The following MTARC2 variants were observed in gnomAD, a reference collection of about 807,000 sequenced individuals.
MTARC2 encodes the protein MOCO sulphurase C-terminal domain containing 2.
A neutral mutation model predicts 35.6 loss-of-function variants in MTARC2; 27 were observed. That is an observed-to-expected ratio of 0.76 (90% confidence interval 0.56 to 1.04). The LOEUF is 1.04. Among genes scored for constraint, MTARC2 ranks in the 50% least tolerant of loss-of-function variants. MTARC2 has a pLI of 0.00. For synonymous variants in MTARC2, 158 were observed against 167.1 expected, an observed-to-expected ratio of 0.95 and a Z score of 0.42; for missense variants, 412 against 432.5, an observed-to-expected ratio of 0.95 and a Z score of 0.42.
intron 1 of MTARC2, among the ~76,000 whole-genome samples, chr1:220,752,954 C>T (rs1025197367): frequency 6.6e-6 from 1 of 151,072 alleles, no homozygotes; most frequent in Non-Finnish European, 1.5e-5. Flanking sequence ...GTGGCTCACG[C>T]CTGTAATCCC....
At chr1:220,767,021 C>G (rs1671598393) in intron 4 of MTARC2, among the ~76,000 whole-genome samples, 1 of 151,342 alleles carries the variant, frequency 6.6e-6, no homozygotes, top group Non-Finnish European at 1.5e-5. Flanking sequence ...AAAAAATAAA[C>G]TGTTAAATGA....
At chr1:220,769,862 G>A (rs1217151779) in intron 4 of MTARC2, among the ~76,000 whole-genome samples, 1 of 137,728 alleles carries the variant, frequency 7.3e-6, no homozygotes, top group African/African-American at 2.8e-5. Flanking sequence ...TTTTTTTGGC[G>A]GTCAGATCAC....
intron 4 of MTARC2, chr1:220,770,696 A>C: frequency 2.3e-6 from 1 of 437,498 alleles, no homozygotes; most frequent in Non-Finnish European, 3.0e-6. Context: ...TTGGGAATTC[A>C]ATTGGTAGCT....
chr1:220,772,700 T>TTG lies in MTARC2; in HGVS notation c.751-7300_751-7299dup, dbSNP rs371722709. 6.1e-3 allele frequency among the ~76,000 whole-genome samples: 914 copies of TTG among 148,710 alleles called. 11 individuals carry two copies. The highest frequency in any genetic ancestry group is 0.019 in the African/African-American group (754 of 40,604). On this transcript the variant is annotated intron_variant, in intron 4 of 7. Coordinates refer to ENST00000366913, the MANE Select transcript of MTARC2 (RefSeq NM_017898.5). ...CTGGGCAGGGTGTGTGTGTGTGTGTTTGTGTGTGTGTGTGTGTGTTTGGGG... is the reference window on the plus strand; with the variant it reads ...CTGGGCAGGGTGTGTGTGTGTGTGTTTGTGTGTGTGTGTGTGTGTGTTTGGGG...
intron 6 of MTARC2, among the ~76,000 whole-genome samples, chr1:220,780,722 G>T (rs1558077327): frequency 6.6e-6 from 1 of 152,020 alleles, no homozygotes; most frequent in African/African-American, 2.4e-5. Flanking sequence ...GGGATTACAG[G>T]CATGAGCCAC....
At chr1:220,775,818 G>A (rs1671888557) in intron 4 of MTARC2, among the ~76,000 whole-genome samples, 1 of 151,806 alleles carries the variant, frequency 6.6e-6, no homozygotes, top group Non-Finnish European at 1.5e-5. Context: ...TCAGAATAAT[G>A]GCCTCCAGCT....
At position 220,748,555 on chromosome 1, in the gene MTARC2, G is replaced by A; in HGVS notation, c.24G>A (p.Ala8=). 4.2e-6 allele frequency: 6 copies of A among 1,436,276 alleles called. No homozygotes were observed. Among genetic ancestry groups the A allele is most frequent in the Non-Finnish European group, 5.4e-6 (6 of 1,103,520 alleles). The allele number at this position is 1,436,276 out of a possible 1,614,324, so 89.0% of individuals were successfully genotyped here. Residue 8 remains alanine (A), a synonymous_variant, in exon 1 of 8, where the codon GCG becomes GCA. Coordinates refer to ENST00000366913, the MANE Select transcript of MTARC2 (RefSeq NM_017898.5). The stretch of plus-strand genomic sequence containing the variant: ...CCATGGGCGCTTCCAGCTCCTCCGC[G>A]CTGGCCCGCCTCGGCCTCCCAGCCC... MGASSSS[A]LARLGLPARP...
In MTARC2 at chr1:220,754,975, C is replaced by T. The variant is rs1428970740; in HGVS notation, c.301C>T (p.His101Tyr). Residue 101 changes from histidine to tyrosine, a missense_variant, in exon 2 of 8, where the codon CAC becomes TAC. Transcript: ENST00000366913. ...TTGGCTGGTGATTAAGGAAGATGGA[C>T]ACATGGTCACTGCCCGACAGGAGCC... Reference protein sequence around the residue: ...RFWLVIKEDGHMVTARQEPRL... With the variant: ...RFWLVIKEDGYMVTARQEPRL... 2 of 1,603,688 alleles carry T rather than the reference C, an allele frequency of 1.2e-6. No individual in the cohort carries two copies. Among genetic ancestry groups the T allele is most frequent in the Admixed American group, 1.7e-5 (1 of 58,410 alleles).
At chr1:220,748,950 C>A in intron 1 of MTARC2, 147 bp downstream of exon 1, 1 of 1,094,248 alleles carries the variant, frequency 9.1e-7, no homozygotes, top group Non-Finnish European at 1.2e-6. Flanking sequence ...GGTCGTTTAT[C>A]TGGGAAGGCC....
intron 4 of MTARC2, among the ~76,000 whole-genome samples, chr1:220,771,665 C>CT (rs1671747478): frequency 6.6e-6 from 1 of 151,870 alleles, no homozygotes; most frequent in African/African-American, 2.4e-5. Context: ...GTAACTCATA[C>CT]TCTTTGCACA....
At chr1:220,755,640 C>A (rs923676460) in intron 2 of MTARC2, among the ~76,000 whole-genome samples, 1 of 152,062 alleles carries the variant, frequency 6.6e-6, no homozygotes, top group African/African-American at 2.4e-5. Flanking sequence ...GGACTAGTGG[C>A]CCGGCATGTA....
chr1:220,757,552 G>A (rs191624117), intron 2 of MTARC2, among the ~76,000 whole-genome samples: 51 of 152,320 alleles, frequency 3.3e-4, no homozygotes, highest in Admixed American at 7.2e-4. Flanking sequence ...TTGGGAGGAT[G>A]GGAAGTCTAA....
intron 4 of MTARC2, among the ~76,000 whole-genome samples, chr1:220,777,581 A>G (rs1317267481): frequency 1.3e-5 from 2 of 152,172 alleles, no homozygotes; most frequent in East Asian, 3.9e-4. Context: ...CCTTAGACTC[A>G]CAGTCTATGT....
chr1:220,778,622 A>G (rs4846662), intron 4 of MTARC2, among the ~76,000 whole-genome samples: 91,228 of 152,080 alleles, frequency 0.6, 30,692 homozygotes, highest in Non-Finnish European at 0.77. Context: ...GATCCAAACC[A>G]TATCATGTTA....
chr1:220,775,011 A>T lies in MTARC2; in HGVS notation c.751-5007A>T, dbSNP rs114690506. Among the ~76,000 whole-genome samples, 490 of 152,324 alleles carry T rather than the reference A, an allele frequency of 3.2e-3. 5 individuals are homozygous for T. Among genetic ancestry groups the T allele is most frequent in the African/African-American group, 0.011 (459 of 41,564 alleles). ...TGCATCTACGGAGAGAGAGACAGGA[A>T]AAAAGGGAGGGAGACTCTCCATTAG... On this transcript the variant is annotated intron_variant, in intron 4 of 7. Coordinates refer to ENST00000366913, the MANE Select transcript of MTARC2 (RefSeq NM_017898.5).
At chr1:220,768,344 A>G (rs1458765238) in intron 4 of MTARC2, among the ~76,000 whole-genome samples, 2 of 152,204 alleles carry the variant, frequency 1.3e-5, no homozygotes, top group African/African-American at 4.8e-5. Context: ...GTATTAGGAA[A>G]CAGTGTAAAA....
chr1:220,753,823 G>T (rs537690387), intron 1 of MTARC2, among the ~76,000 whole-genome samples: 1 of 152,194 alleles, frequency 6.6e-6, no homozygotes, highest in Non-Finnish European at 1.5e-5. Flanking sequence ...GGCTGAGGCG[G>T]CAGGTCACTT....
chr1:220,762,813 C>A, intron 3 of MTARC2, 97 bp from the exon 4 acceptor site: 4 of 1,333,004 alleles, frequency 3.0e-6, no homozygotes, highest in Non-Finnish European at 4.2e-6. Flanking sequence ...CTCTTCTGCA[C>A]TGAAGAGGTT....
intron 4 of MTARC2, among the ~76,000 whole-genome samples, chr1:220,778,888 C>A (rs1322672960): frequency 6.6e-6 from 1 of 152,176 alleles, no homozygotes; most frequent in Middle Eastern, 3.2e-3. Context: ...CCCTGTCAAG[C>A]CAATCCTCAT....
Sources: allele counts gnomAD v4.1 joint callset (sites outside exome capture counted in the v4.1 genomes callset), GRCh38; gene constraint gnomAD v4.1.1; transcripts MANE v1.5; gene names NCBI Gene and HGNC (gene_info 2026-07-23, HGNC 2026-07-21).